Variants in COL6A5 observed in about 807,000 individuals in gnomAD.
COL6A5 encodes the protein collagen type VI alpha 5 chain.
In COL6A5, 48 loss-of-function variants were observed where a neutral mutation model predicts 65.6. The ratio of observed to expected loss-of-function variants is 0.73; its 90% CI spans 0.58 to 0.93. The LOEUF is 0.93. Among genes scored for constraint, COL6A5 ranks in the 40% least tolerant of loss-of-function variants. The probability of loss-of-function intolerance (pLI) is 0.00; values close to 1 mark genes in which losing one functional copy is unlikely to be tolerated. For missense variants in COL6A5, 914 were observed against 928.3 expected (o/e 0.98, Z 0.20); for synonymous variants, 291 against 322.8 (o/e 0.90, Z 1.05).
exon 26 of COL6A5, chr3:130,421,183 A>T (rs1295213096): frequency 1.3e-6 from 2 of 1,550,676 alleles, no homozygotes; most frequent in African/African-American, 2.7e-5. Context: ...CTACGGTCAG[A>T]TGGGACGAAA....
intron 1 of COL6A5, among the ~76,000 whole-genome samples, chr3:130,359,778 A>AT: frequency 6.6e-6 from 1 of 152,142 alleles, no homozygotes; most frequent in East Asian, 1.9e-4. Flanking sequence ...TGAGTAGTAT[A>AT]TTTTTCCTAG....
chr3:130,428,969 A>G (rs6785181), upstream of COL6A5, among the ~76,000 whole-genome samples: 18,106 of 152,232 alleles, frequency 0.12, 2,121 homozygotes, highest in East Asian at 0.34. Context: ...AGATGTATCA[A>G]TACTTTCCCG....
chr3:130,420,911 A>G (rs1937505533), intron 25 of COL6A5, among the ~76,000 whole-genome samples: 2 of 152,082 alleles, frequency 1.3e-5, no homozygotes, highest in Admixed American at 1.3e-4. Context: ...CAAGTCCTGA[A>G]TGACCACCCC....
rs74461791 is a variant in COL6A5 at position 130,421,674 on chromosome 3, T to C, written c.5037+314T>C. Among the ~76,000 whole-genome samples the C allele has an allele frequency of 7.1e-3, 1,087 of 152,232 alleles. 4 individuals are homozygous for C. Among genetic ancestry groups the C allele is most frequent in the Middle Eastern group, 0.031 (9 of 294 alleles). On this transcript the variant is annotated intron_variant and NMD_transcript_variant, in intron 27 of 41. Transcript: ENST00000312481. ...CATTCAATACTCTTGGCTTTGGTTATTGCTATTTGTTCTTCATTATTGTGC... is the reference window on the plus strand; with the variant it reads ...CATTCAATACTCTTGGCTTTGGTTACTGCTATTTGTTCTTCATTATTGTGC...
chr3:130,398,107 A>C, exon 10 of COL6A5: 1 of 1,522,864 alleles, frequency 6.6e-7, no homozygotes. Context: ...GGCTCAGAGA[A>C]GCAGGTATTG....
exon 3 of COL6A5, chr3:130,376,566 C>G: frequency 6.2e-7 from 1 of 1,605,182 alleles, no homozygotes. Flanking sequence ...AGACAGGAAA[C>G]AGTTTCCCCC....
intron 4 of COL6A5, among the ~76,000 whole-genome samples, chr3:130,383,173 A>C (rs1327116413): frequency 6.6e-6 from 1 of 152,116 alleles, no homozygotes; most frequent in Non-Finnish European, 1.5e-5. Flanking sequence ...GAAATTTTGT[A>C]ATGATAGAAA....
upstream of COL6A5, chr3:130,431,250 T>C: frequency 4.3e-6 from 3 of 694,966 alleles, no homozygotes; most frequent in South Asian, 1.5e-5. Flanking sequence ...CTGAGCATTA[T>C]ATAGCCAAAT....
rs1414532746 is a variant in COL6A5, at chr3:130,431,936, T to G, written c.476T>G (p.Leu159Arg). ...TTTGCTTTTGATGAGAGAGTTTTCC[T>G]TGAAGCTTTTGGGGTAAGAATTTCT... is the stretch of plus-strand genomic sequence containing the variant. Residue 159 changes from leucine to arginine, a missense_variant, in exon 1 of 8, where the codon CTT becomes CGT. Transcript: ENST00000512836. The G allele has an allele frequency of 1.5e-5, 23 of 1,549,600 alleles. No homozygotes were observed. Among genetic ancestry groups the G allele is most frequent in the Non-Finnish European group, 2.0e-5 (23 of 1,145,276 alleles).
At chr3:130,405,435 T>TGAGGATTCACTTTTGAATCCTTTTTGAA (rs1306912588) in intron 13 of COL6A5, among the ~76,000 whole-genome samples, 153 bp from the exon 14 acceptor site, 5 of 152,084 alleles carry the variant, frequency 3.3e-5, no homozygotes, top group African/African-American at 9.7e-5. Flanking sequence ...CATAAATGAG[T>TGAGGATTCACTTTTGAATCCTTTTTGAA]GAGGATTCAC....
intron 7 of COL6A5, among the ~76,000 whole-genome samples, chr3:130,477,831 A>G (rs774115392): frequency 2.0e-4 from 30 of 152,212 alleles, no homozygotes; most frequent in Middle Eastern, 3.4e-3. Context: ...GAAATCACTG[A>G]TAAGTAGATA....
intron 20 of COL6A5, among the ~76,000 whole-genome samples, chr3:130,412,251 G>A (rs945840945): frequency 1.3e-5 from 2 of 152,114 alleles, no homozygotes; most frequent in Non-Finnish European, 2.9e-5. Flanking sequence ...TAACATACCT[G>A]TGAGGTAGAT....
intron 4 of COL6A5, among the ~76,000 whole-genome samples, chr3:130,454,192 CTT>C (rs1487105532): frequency 6.6e-6 from 1 of 151,988 alleles, no homozygotes; most frequent in Non-Finnish European, 1.5e-5. Flanking sequence ...TCAACACTAA[CTT>C]AATGCAATGA....
chr3:130,477,156 G>A (rs1710120258), intron 7 of COL6A5: 1 of 1,137,114 alleles, frequency 8.8e-7, no homozygotes, highest in Middle Eastern at 2.1e-4. Context: ...TTACCTTAAA[G>A]TTAGGCCATG....
rs199797643 is a variant in COL6A5 at position 130,435,882 on chromosome 3, C to G, written c.488-3640C>G. 2.6e-4 allele frequency among the ~76,000 whole-genome samples: 40 copies of G among 152,034 alleles called. 2 individuals are homozygous for G. The highest frequency in any genetic ancestry group is 2.2e-3 in the Admixed American group (34 of 15,280). On this transcript the variant is annotated intron_variant, in intron 1 of 7. Transcript: ENST00000512836. ...AATATACAATGATGTTGTCTGCAAA[C>G]AGACAACTTGACTTCCTCTCTTCCT... is the stretch of plus-strand genomic sequence containing the variant.
intron 7 of COL6A5, among the ~76,000 whole-genome samples, chr3:130,392,343 G>C (rs976023149): frequency 6.6e-6 from 1 of 152,138 alleles, no homozygotes; most frequent in Non-Finnish European, 1.5e-5. Flanking sequence ...AAACAGGGAG[G>C]GAAGGGAACT....
At chr3:130,408,602 G>A (rs1937076421) in intron 17 of COL6A5, among the ~76,000 whole-genome samples, 1 of 151,996 alleles carries the variant, frequency 6.6e-6, no homozygotes, top group South Asian at 2.1e-4. Flanking sequence ...TATGATCTCT[G>A]TGACCCACTC....
At chr3:130,367,165 G>A (rs977350031) in intron 1 of COL6A5, among the ~76,000 whole-genome samples, 1 of 152,198 alleles carries the variant, frequency 6.6e-6, no homozygotes, top group Non-Finnish European at 1.5e-5. Flanking sequence ...TAGGTTTTAG[G>A]AGCTGGTGGC....
chr3:130,429,152 A>G (rs1937688680), upstream of COL6A5, among the ~76,000 whole-genome samples: 1 of 152,210 alleles, frequency 6.6e-6, no homozygotes, highest in Non-Finnish European at 1.5e-5. Flanking sequence ...AAGGCTCCCA[A>G]GATATTCATC....
Sources: gnomAD v4.1 joint callset for allele counts (sites outside exome capture counted in the v4.1 genomes callset) on GRCh38, gnomAD v4.1.1 for gene constraint, MANE v1.5 for transcripts, NCBI Gene and HGNC (gene_info 2026-07-23, HGNC 2026-07-21) for gene names.